Variants in KRT33A observed in about 807,000 individuals in gnomAD.
KRT33A encodes the protein keratin, type I cuticular Ha3-I.
A neutral mutation model predicts 41.1 loss-of-function variants in KRT33A; 44 were observed. The observed-to-expected ratio is 1.07, with a 90% confidence interval of 0.84 to 1.38. The LOEUF (loss-of-function observed/expected upper bound fraction) is 1.38. Among genes scored for constraint, KRT33A ranks in the 40% most tolerant of loss-of-function variants. The pLI is 0.00. For missense variants in KRT33A, 536 were observed against 518.5 expected, an observed-to-expected ratio of 1.03 and a Z score of -0.33; for synonymous variants, 229 against 227.8, an observed-to-expected ratio of 1.01 and a Z score of -0.05.
Position 41,350,730 on chromosome 17 carries a change from CG to C in KRT33A, c.37del (p.Arg13AlafsTer29). ...ACAGGGCCGGGAGGAGCAGCTGGTG[CG>C]GCAGCTCAGGCTGGGCAGGCCACAA... ...YSCGLPSLSC[R>X]TSCSSRPCVP... On this transcript the variant is annotated frameshift_variant, in exon 1 of 7. Transcript: ENST00000007735. LOFTEE classifies it high-confidence loss of function. The C allele has an allele frequency of 6.2e-7, 1 of 1,611,770 alleles. No individual in the cohort carries two copies. Among genetic ancestry groups the C allele is most frequent in the Non-Finnish European group, 8.5e-7 (1 of 1,179,680 alleles).
rs536757959 is a variant in KRT33A at position 41,350,751 on chromosome 17, C to A, written c.17G>T (p.Gly6Val). 9.1e-5 allele frequency: 147 copies of A among 1,611,584 alleles called. No individual in the cohort carries two copies. In the Middle Eastern group the frequency reaches 2.0e-3, roughly 22 times the overall value. Residue 6 changes from glycine to valine, a missense_variant, in exon 1 of 7, where the codon GGC (glycine) becomes GTC (valine). Transcript: ENST00000007735. ...GGTGCGGCAGCTCAGGCTGGGCAGG[C>A]CACAACTGTAAGACATGGTGCAGGG... MSYSC[G>V]LPSLSCRTSC...
In KRT33A at chr17:41,348,625, A is replaced by T; in HGVS notation, c.446T>A (p.Leu149Gln). 1 of 1,614,138 alleles carries T rather than the reference A, an allele frequency of 6.2e-7. No homozygotes were observed. The highest frequency in any genetic ancestry group is 8.5e-7 in the Non-Finnish European group (1 of 1,180,026). The change falls in exon 3 of 7, where the codon CTG (leucine) becomes CAG (glutamine). Residue 149 changes from leucine (L) to glutamine (Q), a missense_variant. Coordinates refer to ENST00000007735, the MANE Select transcript of KRT33A (RefSeq NM_004138.4). Reference protein sequence around the residue: ...DDFRTKYETELSLRQLVESDI... With the variant: ...DDFRTKYETEQSLRQLVESDI... ...CGACTCCACCAGCTGCCGCAGGGAC[A>T]GCTCGGTCTCATATCTGTGATCACA... is the stretch of plus-strand genomic sequence containing the variant.
intron 2 of KRT33A, 62 bp from the exon 3 acceptor site, chr17:41,348,701 T>G (rs1440884813): frequency 3.2e-6 from 5 of 1,573,776 alleles, no homozygotes; most frequent in Non-Finnish European, 4.3e-6. Flanking sequence ...TGACTCTGCT[T>G]TGGTTTGGTT....
chr17:41,346,301 A>G, intron 6 of KRT33A, 65 bp from the exon 7 acceptor site: 3 of 1,579,576 alleles, frequency 1.9e-6, no homozygotes, highest in Admixed American at 3.4e-5. Context: ...GAAAATACTA[A>G]AAGGGCTTTG....
At chr17:41,349,588 C>CA (rs2017475817) in intron 1 of KRT33A, among the ~76,000 whole-genome samples, 160 bp from the exon 2 acceptor site, 1 of 151,644 alleles carries the variant, frequency 6.6e-6, no homozygotes, top group African/African-American at 2.4e-5. Context: ...AAATTATATT[C>CA]AAAAAAAGAA....
At position 41,346,588 on chromosome 17, in the gene KRT33A, G is replaced by C; in HGVS notation, c.957C>G (p.Thr319=). ...TCTCCGCCAGCTGGGACTCCACGTT[G>C]GTGATCAGTCTCTGCACCTGGGACA... ...SQLSQVQRLI[T]NVESQLAEIR... The change falls in exon 6 of 7, where the codon ACC becomes ACG. Residue 319 remains threonine (T), a synonymous_variant. Transcript: ENST00000007735. 1 of 1,614,232 alleles carries C rather than the reference G, an allele frequency of 6.2e-7. No individual in the cohort carries two copies. Among genetic ancestry groups the C allele is most frequent in the Non-Finnish European group, 8.5e-7 (1 of 1,180,052 alleles).
chr17:41,349,348 G>T lies in KRT33A; in HGVS notation c.429C>A (p.Thr143=), dbSNP rs1330872860. ...NAKLASDDFR[T]KYETELSLRQ... ...CAACACCCCGCTTGCCCACTCACTT[G>T]GTCCTGAAGTCATCTGAGGCCAGCT... The change falls in exon 2 of 7, where the codon ACC becomes ACA. Residue 143 remains threonine (T), a splice_region_variant and synonymous_variant. Transcript: ENST00000007735. 3 of 1,613,842 alleles carry T rather than the reference G, an allele frequency of 1.9e-6. No homozygotes were observed. Among genetic ancestry groups the T allele is most frequent in the Non-Finnish European group, 2.5e-6 (3 of 1,179,818 alleles).
At chr17:41,346,306 GC>G in intron 6 of KRT33A, 70 bp from the exon 7 acceptor site, 1 of 1,572,424 alleles carries the variant, frequency 6.4e-7, no homozygotes, top group Non-Finnish European at 8.7e-7. Flanking sequence ...TACTAAAAGG[GC>G]TTTGTGTAAG....
chr17:41,349,219 A>G (rs1475986611), intron 2 of KRT33A, 127 bp downstream of exon 2: 2 of 881,956 alleles, frequency 2.3e-6, no homozygotes, highest in Non-Finnish European at 3.6e-6. Flanking sequence ...GGCTCTGTGA[A>G]TCTTGGAGAA....
chr17:41,349,972 G>A (rs1597682581), intron 1 of KRT33A, among the ~76,000 whole-genome samples: 1 of 152,252 alleles, frequency 6.6e-6, no homozygotes, highest in Non-Finnish European at 1.5e-5. Context: ...AGGCATGAAG[G>A]TGAGGACAAT....
intron 6 of KRT33A, 49 bp from the exon 7 acceptor site, chr17:41,346,285 A>AGAT (rs1567664142): frequency 6.3e-7 from 1 of 1,589,838 alleles, no homozygotes; most frequent in South Asian, 1.1e-5. Context: ...TGAGCTGAAG[A>AGAT]GATTGGAAAA....
intron 3 of KRT33A, 104 bp downstream of exon 3, chr17:41,348,379 T>C: frequency 6.9e-6 from 8 of 1,165,398 alleles, no homozygotes; most frequent in Non-Finnish European, 7.5e-6. Context: ...GCAGAATTAC[T>C]TCCTCAGCTA....
At chr17:41,349,244 A>G in intron 2 of KRT33A, 102 bp downstream of exon 2, 1 of 1,114,920 alleles carries the variant, frequency 9.0e-7, no homozygotes, top group African/African-American at 1.5e-5. Context: ...GCTAGAACAT[A>G]GCTCAGTCAC....
Position 41,346,192 on chromosome 17 carries a change from G to T in KRT33A, c.1142C>A (p.Ser381Tyr), listed in dbSNP as rs1478754092. 2 of 1,614,198 alleles carry T rather than the reference G, an allele frequency of 1.2e-6. No individual in the cohort carries two copies. Among genetic ancestry groups the T allele is most frequent in the Non-Finnish European group, 1.7e-6 (2 of 1,180,032 alleles). The change falls in exon 7 of 7, where the codon TCC becomes TAC. Residue 381 changes from serine (S) to tyrosine (Y), a missense_variant. Transcript: ENST00000007735. ...PCATTNACDK[S>Y]TGPCISNPCG... ...GGGATTAGAGATACAGGGCCCAGTGGACTTGTCACATGCATTGGTTGTGGC... is the reference window on the plus strand; with the variant it reads ...GGGATTAGAGATACAGGGCCCAGTGTACTTGTCACATGCATTGGTTGTGGC...
intron 3 of KRT33A, among the ~76,000 whole-genome samples, chr17:41,347,796 A>G (rs960606824): frequency 6.6e-6 from 1 of 152,200 alleles, no homozygotes; most frequent in Non-Finnish European, 1.5e-5. Context: ...TTTGTATTCA[A>G]CCTCATCTCT....
chr17:41,350,636 G>C lies in KRT33A; in HGVS notation c.132C>G (p.Cys44Trp). The C allele has an allele frequency of 1.2e-6, 2 of 1,612,560 alleles. No homozygotes were observed. Among genetic ancestry groups the C allele is most frequent in the South Asian group, 2.2e-5 (2 of 91,062 alleles). ...TGAAGGAGCCCTCACAGAACCAGTT[G>C]CAGTTGCTCACATTGGCGGGGATGT... is the stretch of plus-strand genomic sequence containing the variant. ...ACNIPANVSN[C>W]NWFCEGSFNG... Residue 44 changes from cysteine to tryptophan, a missense_variant, in exon 1 of 7, where the codon TGC becomes TGG. Transcript: ENST00000007735.
In KRT33A at chr17:41,347,858, C is replaced by T. The variant is rs943176792; in HGVS notation, c.588+625G>A. Among the ~76,000 whole-genome samples the T allele has an allele frequency of 5.9e-5, 9 of 152,346 alleles. No homozygotes were observed. The South Asian group carries it at 1.7e-3, about 28-fold the overall frequency. On this transcript the variant is annotated intron_variant, in intron 3 of 6. Transcript: ENST00000007735. ...CTTCTTGAAGCCTCGATTTCTTCAT[C>T]TTAACATGAGAACTGCCTCCGGAGT... is the stretch of plus-strand genomic sequence containing the variant.
Position 41,346,153 on chromosome 17 carries a change from G to C in KRT33A, c.1181C>G (p.Ala394Gly). Residue 394 changes from alanine to glycine, a missense_variant, in exon 7 of 7, where the codon GCT becomes GGT. Coordinates refer to ENST00000007735, the MANE Select transcript of KRT33A (RefSeq NM_004138.4). ...PCISNPCGLRARCGPCNTFGY is the reference protein window; with the variant it reads ...PCISNPCGLRGRCGPCNTFGY Reference sequence around the variant, plus strand: ...AAATGTGTTGCAAGGCCCACACCGAGCACGTAGGCCACAGGGATTAGAGAT... The same window carrying C: ...AAATGTGTTGCAAGGCCCACACCGACCACGTAGGCCACAGGGATTAGAGAT... 4 of 1,614,102 alleles carry C rather than the reference G, an allele frequency of 2.5e-6. No individual in the cohort carries two copies. The highest frequency in any genetic ancestry group is 3.4e-6 in the Non-Finnish European group (4 of 1,179,960).
intron 2 of KRT33A, 122 bp downstream of exon 2, chr17:41,349,224 G>T: frequency 2.2e-6 from 2 of 929,480 alleles, no homozygotes; most frequent in Non-Finnish European, 3.3e-6. Flanking sequence ...TGTGAATCTT[G>T]GAGAAAGCAG....
Sources: allele counts gnomAD v4.1 joint callset (sites outside exome capture counted in the v4.1 genomes callset), GRCh38; gene constraint gnomAD v4.1.1; transcripts MANE v1.5; gene names NCBI Gene and HGNC (gene_info 2026-07-23, HGNC 2026-07-21).